DAB1: variants seen among roughly 807,000 people sequenced by gnomAD.
DAB1 encodes the protein disabled homolog 1.
A neutral mutation model predicts 64.6 loss-of-function variants in DAB1; 15 were observed. The observed-to-expected ratio is 0.23, with a 90% confidence interval of 0.16 to 0.36. DAB1 has a LOEUF of 0.36. DAB1 is among the 10% of genes least tolerant of loss of function. The probability of loss-of-function intolerance (pLI) is 1.00; values close to 1 mark genes in which losing one functional copy is unlikely to be tolerated. For missense variants in DAB1, 596 were observed against 706.7 expected (o/e 0.84, Z 1.78); for synonymous variants, 235 against 251.9 (o/e 0.93, Z 0.64).
At chr1:57,020,117 A>G (rs531225291) in intron 11 of DAB1, among the ~76,000 whole-genome samples, 15 of 152,224 alleles carry the variant, frequency 9.9e-5, no homozygotes, top group African/African-American at 3.6e-4. Context: ...ACCAAAAAAA[A>G]AAATTCTTAC....
At chr1:57,220,532 C>T (rs996943981) in intron 2 of DAB1, among the ~76,000 whole-genome samples, 1 of 152,106 alleles carries the variant, frequency 6.6e-6, no homozygotes, top group Non-Finnish European at 1.5e-5. Flanking sequence ...ATTGTACAAC[C>T]AGGGAAACAG....
intron 4 of DAB1, among the ~76,000 whole-genome samples, chr1:58,162,499 A>C (rs548787812): frequency 6.6e-6 from 1 of 152,350 alleles, no homozygotes; most frequent in East Asian, 1.9e-4. Context: ...AAACGCAAAG[A>C]GACTAGAAGT....
chr1:57,233,403 C>A (rs1222593154), intron 2 of DAB1, among the ~76,000 whole-genome samples: 7 of 148,842 alleles, frequency 4.7e-5, no homozygotes, highest in Non-Finnish European at 1.0e-4. Flanking sequence ...GCTGGGACTA[C>A]AGGCGCCCGC....
At chr1:58,079,935 T>C (rs923727556) in intron 5 of DAB1, 3 of 152,234 alleles carry the variant, frequency 2.0e-5, no homozygotes, top group Non-Finnish European at 2.9e-5. Context: ...AGGTGCTTCA[T>C]AAGTGTTTTG....
At chr1:58,416,076 T>C (rs1442369646) in intron 3 of DAB1, among the ~76,000 whole-genome samples, 2 of 152,160 alleles carry the variant, frequency 1.3e-5, no homozygotes, top group Non-Finnish European at 2.9e-5. Flanking sequence ...AACGCTAAAG[T>C]AACAAAGAGG....
intron 2 of DAB1, among the ~76,000 whole-genome samples, chr1:57,245,073 A>T (rs1451076923): frequency 6.6e-6 from 1 of 152,206 alleles, no homozygotes; most frequent in Admixed American, 6.5e-5. Flanking sequence ...AGACTTGTTG[A>T]ATGGTTTTGA....
chr1:57,266,979 A>G (rs1443858151), intron 2 of DAB1, among the ~76,000 whole-genome samples: 3 of 152,208 alleles, frequency 2.0e-5, no homozygotes, highest in Admixed American at 2.0e-4. Context: ...GTAGTGGGCT[A>G]AATGGTGGTC....
intron 4 of DAB1, among the ~76,000 whole-genome samples, chr1:58,274,651 C>T (rs1162136821): frequency 2.6e-5 from 4 of 152,086 alleles, no homozygotes; most frequent in Non-Finnish European, 5.9e-5. Flanking sequence ...TGCTAGCAGT[C>T]AGCGAGATTC....
intron 1 of DAB1, among the ~76,000 whole-genome samples, chr1:57,400,438 A>G (rs1683152769): frequency 6.6e-6 from 1 of 152,158 alleles, no homozygotes; most frequent in Admixed American, 6.5e-5. Context: ...CTGCCTGTCC[A>G]TAAACTCCCA....
intron 4 of DAB1, among the ~76,000 whole-genome samples, chr1:58,300,607 A>G (rs1172906279): frequency 5.5e-5 from 2 of 36,668 alleles, no homozygotes. Context: ...AAAGAAAGAA[A>G]GAAAGAGAGA....
chr1:57,965,472 T>C (rs934065655), intron 5 of DAB1, among the ~76,000 whole-genome samples: 1 of 152,174 alleles, frequency 6.6e-6, no homozygotes, highest in Non-Finnish European at 1.5e-5. Flanking sequence ...ATCTGTGTCA[T>C]AGGTGGTGAG....
chr1:58,229,274 G>A (rs533938917), intron 4 of DAB1, among the ~76,000 whole-genome samples: 5 of 152,266 alleles, frequency 3.3e-5, no homozygotes, highest in African/African-American at 1.2e-4. Flanking sequence ...TGGCCTAAAA[G>A]TTAAAATTGT....
At chr1:57,303,915 G>A (rs1673902493) in intron 1 of DAB1, among the ~76,000 whole-genome samples, 1 of 152,124 alleles carries the variant, frequency 6.6e-6, no homozygotes, top group Non-Finnish European at 1.5e-5. Flanking sequence ...GCTACGCATG[G>A]CTTTACAATG....
chr1:57,962,314 T>C (rs141410060), intron 5 of DAB1, among the ~76,000 whole-genome samples: 135 of 152,218 alleles, frequency 8.9e-4, no homozygotes, highest in East Asian at 5.4e-3. Flanking sequence ...TAGTCATCAT[T>C]ATTATTATTA....
At chr1:57,997,869 C>T (rs2100394729) in intron 5 of DAB1, among the ~76,000 whole-genome samples, 1 of 151,870 alleles carries the variant, frequency 6.6e-6, no homozygotes, top group East Asian at 1.9e-4. Context: ...GTGCCAGCCA[C>T]TATACTAGAT....
chr1:57,934,137 G>A (rs1644993280), intron 5 of DAB1, among the ~76,000 whole-genome samples: 1 of 149,932 alleles, frequency 6.7e-6, no homozygotes. Flanking sequence ...ATGTTGGTCA[G>A]GCTGGTCTCA....
At chr1:58,410,093 T>G (rs1425147352) in intron 3 of DAB1, among the ~76,000 whole-genome samples, 1 of 152,146 alleles carries the variant, frequency 6.6e-6, no homozygotes, top group Non-Finnish European at 1.5e-5. Context: ...AATTCCTTTA[T>G]CCCAGAGCAA....
intron 10 of DAB1, among the ~76,000 whole-genome samples, chr1:57,025,613 C>T (rs929541051): frequency 5.9e-5 from 9 of 152,162 alleles, no homozygotes; most frequent in Non-Finnish European, 7.4e-5. Flanking sequence ...TGTGCTATCC[C>T]GAGTTTCCTG....
intron 1 of DAB1, among the ~76,000 whole-genome samples, chr1:57,413,976 G>T (rs1270437254): frequency 6.6e-6 from 1 of 152,158 alleles, no homozygotes; most frequent in Non-Finnish European, 1.5e-5. Flanking sequence ...AATTGCTGTA[G>T]TCTCATGCTA....
Sources: gnomAD v4.1 joint callset for allele counts (sites outside exome capture counted in the v4.1 genomes callset) on GRCh38, gnomAD v4.1.1 for gene constraint, MANE v1.5 for transcripts, NCBI Gene and HGNC (gene_info 2026-07-23, HGNC 2026-07-21) for gene names.